Variants in DSE observed in about 807,000 individuals in gnomAD.
DSE encodes dermatan-sulfate epimerase.
A neutral mutation model predicts 84.4 loss-of-function variants in DSE; 36 were observed. The ratio of observed to expected loss-of-function variants is 0.43; its 90% CI spans 0.33 to 0.56. DSE has a LOEUF of 0.56. Among genes scored for constraint, DSE ranks in the 20% least tolerant of loss-of-function variants. The pLI is 0.06. For missense variants in DSE, 862 were observed against 1,169.6 expected (o/e 0.74, Z 3.84); for synonymous variants, 410 against 430.1 (o/e 0.95, Z 0.58).
At chr6:116,432,998 C>A (rs1325221309) in intron 4 of DSE, 2 of 222,270 alleles carry the variant, frequency 9.0e-6, no homozygotes, top group African/African-American at 2.3e-5. Context: ...GTTCAGAAAC[C>A]CAAACTGCAC....
intron 2 of DSE, among the ~76,000 whole-genome samples, chr6:116,310,833 A>AT (rs1266474391): frequency 6.6e-6 from 1 of 152,100 alleles, no homozygotes; most frequent in Non-Finnish European, 1.5e-5. Flanking sequence ...AGAACATGTA[A>AT]TTTTCTTTTT....
chr6:116,428,013 A>C (rs1783561779), intron 3 of DSE, among the ~76,000 whole-genome samples: 1 of 152,170 alleles, frequency 6.6e-6, no homozygotes, highest in South Asian at 2.1e-4. Context: ...ACATGGGGAA[A>C]TCCCGTCTCT....
At chr6:116,259,238 A>G in intron 2 of DSE, 2 of 603,740 alleles carry the variant, frequency 3.3e-6, no homozygotes, top group Non-Finnish European at 2.9e-6. Context: ...AATTTTTAAA[A>G]TATCTATTTT....
At chr6:116,418,646 C>A (rs1216191682) in intron 2 of DSE, among the ~76,000 whole-genome samples, 1 of 152,114 alleles carries the variant, frequency 6.6e-6, no homozygotes, top group East Asian at 1.9e-4. Context: ...GGCTTAGAAC[C>A]CTTGGACCCT....
intron 2 of DSE, among the ~76,000 whole-genome samples, chr6:116,408,034 C>G (rs1234890485): frequency 6.6e-6 from 1 of 152,214 alleles, no homozygotes; most frequent in African/African-American, 2.4e-5. Flanking sequence ...CTCTCCAACC[C>G]TATCCAGACT....
chr6:116,352,837 A>G (rs892724923), intron 2 of DSE, among the ~76,000 whole-genome samples: 8 of 152,222 alleles, frequency 5.3e-5, no homozygotes, highest in Non-Finnish European at 1.2e-4. Context: ...AAACTCACCT[A>G]GCTTTCCAGC....
chr6:116,348,101 A>G (rs146430071), intron 2 of DSE, among the ~76,000 whole-genome samples: 22 of 152,334 alleles, frequency 1.4e-4, no homozygotes, highest in East Asian at 1.3e-3. Flanking sequence ...ATGAGATACC[A>G]TCTCACACCA....
At chr6:116,399,773 G>C in intron 2 of DSE, 107 bp downstream of exon 2, 1 of 1,094,078 alleles carries the variant, frequency 9.1e-7, no homozygotes, top group East Asian at 2.4e-5. Flanking sequence ...TTGTGTATGT[G>C]TGTGGGGGGA....
At chr6:116,357,994 A>G (rs1778671856) in intron 2 of DSE, among the ~76,000 whole-genome samples, 1 of 152,224 alleles carries the variant, frequency 6.6e-6, no homozygotes, top group African/African-American at 2.4e-5. Flanking sequence ...CCCTAGGCAA[A>G]TAAGAGTATG....
chr6:116,435,636 A>G lies in DSE; in HGVS notation c.1168A>G (p.Thr390Ala), dbSNP rs752541152. The stretch of plus-strand genomic sequence containing the variant: ...TCCTCCTCCAGACTTTGGCACCCCT[A>G]CACTGCATTATTTTGAAGACTGGGG... ...SVPPPDFGTP[T>A]LHYFEDWGVV... Residue 390 changes from threonine to alanine, a missense_variant, in exon 6 of 6, where the codon ACA becomes GCA. Physicochemically the swap from Thr to Ala is moderately conservative, Grantham distance 58. This residue lies in a region of DSE where 309 missense variants were observed against 516.9 expected (regional missense o/e 0.60). Coordinates refer to ENST00000644252, the MANE Select transcript of DSE (RefSeq NM_013352.4). The G allele has an allele frequency of 2.2e-5, 35 of 1,613,536 alleles. No individual in the cohort carries two copies. The highest frequency in any genetic ancestry group is 2.9e-5 in the Non-Finnish European group (34 of 1,179,622).
At chr6:116,301,028 A>AT (rs1260039475) in intron 2 of DSE, among the ~76,000 whole-genome samples, 2 of 152,192 alleles carry the variant, frequency 1.3e-5, no homozygotes, top group Non-Finnish European at 1.5e-5. Context: ...TCCCAATAAG[A>AT]TATTATTCAT....
Position 116,399,539 on chromosome 6 carries a change from C to A in DSE, c.289C>A (p.Arg97Ser), listed in dbSNP as rs1327970888. Residue 97 changes from arginine to serine, a missense_variant, in exon 2 of 6, where the codon CGC becomes AGC. Around this residue, in one of 4 missense-constraint regions of DSE, gnomAD observed 309 missense variants for 516.9 expected, o/e 0.60. Coordinates refer to ENST00000644252, the MANE Select transcript of DSE (RefSeq NM_013352.4). ...CTGGGATCCCAAGGACTACAGTGCC[C>A]GCTGGAATGAAATTTTTGGAAACAA... Reference protein sequence around the residue: ...PPWDPKDYSARWNEIFGNNLG... With the variant: ...PPWDPKDYSASWNEIFGNNLG... The A allele has an allele frequency of 6.2e-7, 1 of 1,614,164 alleles. No individual in the cohort carries two copies. The highest frequency in any genetic ancestry group is 1.7e-5 in the Admixed American group (1 of 60,026).
At chr6:116,331,912 G>A (rs1776963587) in intron 2 of DSE, among the ~76,000 whole-genome samples, 1 of 152,028 alleles carries the variant, frequency 6.6e-6, no homozygotes, top group Non-Finnish European at 1.5e-5. Flanking sequence ...GGCCAAGATG[G>A]TATCACTGCA....
At chr6:116,398,777 G>A (rs1781407116) in intron 1 of DSE, among the ~76,000 whole-genome samples, 1 of 152,150 alleles carries the variant, frequency 6.6e-6, no homozygotes, top group Non-Finnish European at 1.5e-5. Context: ...AGAAATACAG[G>A]ATTTTCTGGT....
At chr6:116,324,268 C>T (rs966454101) in intron 2 of DSE, among the ~76,000 whole-genome samples, 1 of 152,138 alleles carries the variant, frequency 6.6e-6, no homozygotes, top group African/African-American at 2.4e-5. Flanking sequence ...GGCAGATTTT[C>T]CTCAGTTTTT....
chr6:116,336,200 GA>G (rs1777242878), intron 2 of DSE, among the ~76,000 whole-genome samples: 1 of 152,192 alleles, frequency 6.6e-6, no homozygotes, highest in African/African-American at 2.4e-5. Flanking sequence ...TGCAGTATAT[GA>G]ACAGAAGATA....
Position 116,259,284 on chromosome 6 carries a change from G to GCACTTTA in DSE, c.-54+319_-54+320insCTTTACA, listed in dbSNP as rs71272372. 2.9e-3 allele frequency: 1,575 copies of GCACTTTA among 551,612 alleles called. 5 individuals are homozygous for GCACTTTA. Among genetic ancestry groups the GCACTTTA allele is most frequent in the Admixed American group, 5.5e-3 (179 of 32,500 alleles). The allele number at this position is 551,612 out of a possible 1,614,324, so 34.2% of individuals were successfully genotyped here. A position where few individuals can be genotyped will look rare whatever the true frequency, so the allele number is the denominator to read the frequency against. ...TGCTTTGACATGCCAGCACTTTACA[G>GCACTTTA]CATGATAAATTAGTTAAATGGTTAT... On this transcript the variant is annotated intron_variant, in intron 2 of 3. Transcript: ENST00000430252.
intron 2 of DSE, among the ~76,000 whole-genome samples, chr6:116,270,472 A>T: frequency 6.6e-6 from 1 of 152,164 alleles, no homozygotes; most frequent in African/African-American, 2.4e-5. Context: ...AATATACATT[A>T]TTTATTTACT....
chr6:116,263,245 G>A (rs949804253), intron 2 of DSE, among the ~76,000 whole-genome samples: 40 of 152,150 alleles, frequency 2.6e-4, no homozygotes, highest in African/African-American at 9.2e-4. Context: ...AGGAGTCTAC[G>A]TCTCTTTGAA....
Sources: gnomAD v4.1 joint callset for allele counts (sites outside exome capture counted in the v4.1 genomes callset) on GRCh38, gnomAD v4.1.1 for gene constraint, gnomAD v4.1.1 regional missense constraint, MANE v1.5 for transcripts, NCBI Gene and HGNC (gene_info 2026-07-23, HGNC 2026-07-21) for gene names.